The following SOX5 variants were observed in gnomAD, a reference collection of about 807,000 sequenced individuals.
The protein encoded by SOX5 is transcription factor SOX-5.
SOX5 carries 9 observed loss-of-function variants against 92.0 expected under a neutral mutation model. The ratio of observed to expected loss-of-function variants is 0.10; its 90% CI spans 0.06 to 0.17. The LOEUF (loss-of-function observed/expected upper bound fraction) is 0.17, where lower values mean the gene tolerates loss of function less well. SOX5 is among the 10% of genes least tolerant of loss of function. SOX5 has a pLI of 1.00. For missense variants in SOX5, 642 were observed against 944.5 expected (o/e 0.68, Z 4.20); for synonymous variants, 344 against 336.3 (o/e 1.02, Z -0.25).
chr12:24,445,778 G>C lies in SOX5; in HGVS notation c.-250-77139C>G, dbSNP rs572683841. On this transcript the variant is annotated intron_variant, in intron 1 of 4. Coordinates refer to the SOX5 transcript ENST00000446891. Reference sequence around the variant, plus strand: ...AGGATTCCACAGTGTCTGACCTGGTGATGTGCAATGGAATGAGACATACAG... The same window carrying C: ...AGGATTCCACAGTGTCTGACCTGGTCATGTGCAATGGAATGAGACATACAG... Among the ~76,000 whole-genome samples the C allele has an allele frequency of 2.0e-5, 3 of 152,312 alleles. No individual in the cohort carries two copies. In the South Asian group the frequency reaches 6.2e-4, roughly 32 times the overall value.
chr12:24,118,607 A>T (rs1398682942), intron 4 of SOX5, among the ~76,000 whole-genome samples: 1 of 152,158 alleles, frequency 6.6e-6, no homozygotes, highest in Admixed American at 6.5e-5. Flanking sequence ...ATCTCTATTC[A>T]TCAGTAATTG....
At chr12:24,168,798 A>G (rs1853146854) in intron 4 of SOX5, among the ~76,000 whole-genome samples, 1 of 152,188 alleles carries the variant, frequency 6.6e-6, no homozygotes, top group Non-Finnish European at 1.5e-5. Flanking sequence ...TTACATATCT[A>G]TGAAATGATG....
chr12:24,114,347 T>C (rs144984694), intron 4 of SOX5, among the ~76,000 whole-genome samples: 114 of 152,018 alleles, frequency 7.5e-4, no homozygotes, highest in Admixed American at 1.7e-3. Context: ...GAGGCTGAAG[T>C]GAGCAGATGG....
chr12:23,951,327 C>T (rs1945594754), upstream of SOX5, among the ~76,000 whole-genome samples: 1 of 151,918 alleles, frequency 6.6e-6, no homozygotes, highest in South Asian at 2.1e-4. Flanking sequence ...TCCTCCCCCC[C>T]AACCCCCTCC....
intron 9 of SOX5, 195 bp downstream of exon 9, chr12:23,604,191 AT>A (rs2074941576): frequency 1.8e-6 from 1 of 565,696 alleles, no homozygotes; most frequent in African/African-American, 1.9e-5. Flanking sequence ...ATACACGCAT[AT>A]TGAATAAATG....
At chr12:24,188,656 T>C (rs1435060491) in intron 4 of SOX5, among the ~76,000 whole-genome samples, 1 of 152,100 alleles carries the variant, frequency 6.6e-6, no homozygotes, top group Non-Finnish European at 1.5e-5. Flanking sequence ...GACTACAGCA[T>C]CAAGGAAAAG....
chr12:23,761,667 A>C (rs1429780820), intron 3 of SOX5, among the ~76,000 whole-genome samples: 2 of 152,134 alleles, frequency 1.3e-5, no homozygotes, highest in Non-Finnish European at 1.5e-5. Context: ...ATACTACCAC[A>C]AAGTTTTTTA....
intron 1 of SOX5, among the ~76,000 whole-genome samples, chr12:24,463,744 G>T (rs1596980532): frequency 6.6e-6 from 1 of 152,162 alleles, no homozygotes; most frequent in African/African-American, 2.4e-5. Context: ...ATAAACTAGT[G>T]CTCTCATTCA....
intron 4 of SOX5, among the ~76,000 whole-genome samples, chr12:23,973,520 AATACT>A (rs1176407676): frequency 6.6e-6 from 1 of 152,138 alleles, no homozygotes; most frequent in African/African-American, 2.4e-5. Context: ...TACAAAACAG[AATACT>A]ATACAGCCTT....
chr12:23,691,625 A>G (rs916428769), intron 6 of SOX5, among the ~76,000 whole-genome samples: 1 of 152,126 alleles, frequency 6.6e-6, no homozygotes, highest in African/African-American at 2.4e-5. Context: ...TTTTCCTAAT[A>G]ATTTGTCTAC....
intron 1 of SOX5, among the ~76,000 whole-genome samples, chr12:24,442,980 T>C (rs1368196069): frequency 1.5e-5 from 2 of 134,440 alleles, no homozygotes; most frequent in African/African-American, 5.6e-5. Context: ...TGAGATGGAG[T>C]CTTGCTCTGT....
At chr12:23,742,070 A>G (rs973939536) in intron 4 of SOX5, among the ~76,000 whole-genome samples, 2 of 152,168 alleles carry the variant, frequency 1.3e-5, no homozygotes, top group African/African-American at 4.8e-5. Context: ...AACATAAGAC[A>G]CTAAGCACTG....
At chr12:24,141,702 G>A (rs1367175359) in intron 4 of SOX5, among the ~76,000 whole-genome samples, 6 of 130,880 alleles carry the variant, frequency 4.6e-5, no homozygotes, top group South Asian at 5.2e-4. Flanking sequence ...CTATAAATTG[G>A]TTTATTATTT....
rs546133263 is a variant in SOX5, at chr12:23,534,557, G to A, written c.1989-35C>T. 742 of 1,555,304 alleles carry A rather than the reference G, an allele frequency of 4.8e-4. 9 individuals carry two copies. The South Asian group carries it at 7.7e-3, about 16-fold the overall frequency. On this transcript the variant is annotated intron_variant, in intron 14 of 14. Transcript: ENST00000451604. ...AAGGAATTTCCAAAAAGACATCGTGGGTAAGTGAATAGTTAGATGTGGACT... is the reference window on the plus strand; with the variant it reads ...AAGGAATTTCCAAAAAGACATCGTGAGTAAGTGAATAGTTAGATGTGGACT...
intron 3 of SOX5, among the ~76,000 whole-genome samples, chr12:24,216,462 T>C (rs975913323): frequency 9.9e-5 from 15 of 151,474 alleles, no homozygotes; most frequent in African/African-American, 3.4e-4. Flanking sequence ...ACAGCCTGGG[T>C]GACAGAGCGC....
chr12:23,557,160 C>T (rs1322208843), intron 11 of SOX5, among the ~76,000 whole-genome samples: 1 of 152,120 alleles, frequency 6.6e-6, no homozygotes, highest in Non-Finnish European at 1.5e-5. Flanking sequence ...GCCAGACAAA[C>T]AAAACTAACC....
chr12:23,710,997 A>G (rs2091997828), intron 6 of SOX5, among the ~76,000 whole-genome samples: 2 of 152,332 alleles, frequency 1.3e-5, no homozygotes, highest in South Asian at 2.1e-4. Context: ...CTTTAAAAAC[A>G]TCACCTTCAA....
intron 4 of SOX5, among the ~76,000 whole-genome samples, chr12:23,977,781 A>T (rs1465368616): frequency 7.7e-6 from 1 of 129,176 alleles, no homozygotes; most frequent in Non-Finnish European, 1.7e-5. Flanking sequence ...AAATAAATAA[A>T]TGCCTTCCTT....
At chr12:24,390,775 T>C (rs943105497) in intron 1 of SOX5, among the ~76,000 whole-genome samples, 2 of 152,174 alleles carry the variant, frequency 1.3e-5, no homozygotes, top group African/African-American at 4.8e-5. Flanking sequence ...CTGAGTAGTA[T>C]TCTGTGGCAT....
Sources: allele counts gnomAD v4.1 joint callset (sites outside exome capture counted in the v4.1 genomes callset), GRCh38; gene constraint gnomAD v4.1.1; transcripts MANE v1.5; gene names NCBI Gene and HGNC (gene_info 2026-07-23, HGNC 2026-07-21).